LRRC4C: variants seen among roughly 807,000 people sequenced by gnomAD.
LRRC4C encodes the protein leucine rich repeat containing 4C.
Under a neutral mutation model 33.6 loss-of-function variants are expected in LRRC4C, and 5 were observed. The observed-to-expected ratio is 0.15, with a 90% CI of 0.08 to 0.31. The LOEUF is 0.31. Ranked by LOEUF, LRRC4C falls within the 10% of genes least tolerant of loss-of-function variation. LRRC4C has a pLI of 1.00. For synonymous variants in LRRC4C, 329 were observed against 302.0 expected (o/e 1.09, Z -0.93); for missense variants, 560 against 796.7 (o/e 0.70, Z 3.58).
At chr11:40,253,896 GC>G (rs1301554099) in intron 4 of LRRC4C, among the ~76,000 whole-genome samples, 1 of 152,152 alleles carries the variant, frequency 6.6e-6, no homozygotes, top group African/African-American at 2.4e-5. Flanking sequence ...TTGAGGTACT[GC>G]TTACGTTATG....
At chr11:40,373,361 T>C (rs896338571) in intron 3 of LRRC4C, among the ~76,000 whole-genome samples, 7 of 152,020 alleles carry the variant, frequency 4.6e-5, no homozygotes, top group African/African-American at 1.5e-4. Flanking sequence ...ATAAAAAATA[T>C]CATAAAGTGA....
intron 1 of LRRC4C, among the ~76,000 whole-genome samples, chr11:41,151,254 A>T (rs890207562): frequency 6.6e-6 from 1 of 152,260 alleles, no homozygotes; most frequent in African/African-American, 2.4e-5. Context: ...TCACACTAAC[A>T]AACAACATTG....
rs539368420 is a variant in LRRC4C, at chr11:40,924,467, A to C, written c.-407+9168T>G. 3.5e-3 allele frequency among the ~76,000 whole-genome samples: 527 copies of C among 152,144 alleles called. 4 individuals are homozygous for C. Among genetic ancestry groups the C allele is most frequent in the Non-Finnish European group, 5.6e-3 (382 of 68,006 alleles). ...TAGTAGTCTGGGCAACAACATAAAGAATCTACTGGAATCAAATAGGTAAGG... is the reference window on the plus strand; with the variant it reads ...TAGTAGTCTGGGCAACAACATAAAGCATCTACTGGAATCAAATAGGTAAGG... On this transcript the variant is annotated intron_variant, in intron 2 of 6. Coordinates refer to ENST00000528697, the MANE Select transcript of LRRC4C (RefSeq NM_001258419.2).
chr11:40,227,102 A>G (rs1407961011), intron 5 of LRRC4C, among the ~76,000 whole-genome samples: 1 of 152,188 alleles, frequency 6.6e-6, no homozygotes, highest in African/African-American at 2.4e-5. Flanking sequence ...CACTCACACA[A>G]AGAGTGTTCT....
At chr11:40,748,547 A>G (rs1286066751) in intron 2 of LRRC4C, among the ~76,000 whole-genome samples, 1 of 152,116 alleles carries the variant, frequency 6.6e-6, no homozygotes, top group African/African-American at 2.4e-5. Context: ...ACCAAACCTC[A>G]ATGACAAATG....
At chr11:40,412,040 T>G (rs984526518) in intron 3 of LRRC4C, among the ~76,000 whole-genome samples, 6 of 152,018 alleles carry the variant, frequency 3.9e-5, no homozygotes, top group Admixed American at 2.0e-4. Context: ...ACAGCTTTTT[T>G]TGGGGGGTTA....
In LRRC4C at chr11:41,415,092, G is replaced by C. The variant is rs568808361; in HGVS notation, c.-496+44339C>G. 1.8e-4 allele frequency among the ~76,000 whole-genome samples: 27 copies of C among 152,214 alleles called. No individual in the cohort carries two copies. In the East Asian group the frequency reaches 3.7e-3, roughly 21 times the overall value. ...CTGCTGGAAATTACTCTCTAGCCTT[G>C]TTTTCAATGCAAAAGATGCTCATAA... On this transcript the variant is annotated intron_variant, in intron 1 of 6. Transcript: ENST00000528697.
intron 2 of LRRC4C, among the ~76,000 whole-genome samples, chr11:40,722,835 T>G (rs944840455): frequency 6.6e-6 from 1 of 152,246 alleles, no homozygotes; most frequent in Non-Finnish European, 1.5e-5. Context: ...AAGAAAGTTG[T>G]CATTCAATTT....
At chr11:41,368,188 G>A (rs1430396395) in intron 1 of LRRC4C, among the ~76,000 whole-genome samples, 1 of 152,132 alleles carries the variant, frequency 6.6e-6, no homozygotes, top group Non-Finnish European at 1.5e-5. Flanking sequence ...TCAGACAACT[G>A]AAAGCCAGAA....
At chr11:40,704,417 T>A (rs1006204668) in intron 2 of LRRC4C, among the ~76,000 whole-genome samples, 6 of 152,134 alleles carry the variant, frequency 3.9e-5, no homozygotes, top group Non-Finnish European at 8.8e-5. Context: ...AACCTTTCAC[T>A]CACTTTTGAC....
chr11:40,499,340 T>C (rs988908264), intron 3 of LRRC4C, among the ~76,000 whole-genome samples: 43 of 152,114 alleles, frequency 2.8e-4, no homozygotes, highest in African/African-American at 9.4e-4. Flanking sequence ...AGAAAATGTA[T>C]CTGCATATCC....
intron 1 of LRRC4C, among the ~76,000 whole-genome samples, chr11:41,283,480 T>G (rs190022552): frequency 6.6e-6 from 1 of 152,332 alleles, no homozygotes; most frequent in South Asian, 2.1e-4. Flanking sequence ...ATGTTAAGAA[T>G]AGTATTTTCA....
intron 3 of LRRC4C, among the ~76,000 whole-genome samples, chr11:40,498,395 T>C (rs969466563): frequency 3.3e-5 from 5 of 152,224 alleles, no homozygotes; most frequent in Admixed American, 3.3e-4. Flanking sequence ...CCGCAAATAG[T>C]TGGGAAGTTT....
At chr11:40,438,145 G>A (rs1048382441) in intron 3 of LRRC4C, among the ~76,000 whole-genome samples, 1 of 152,160 alleles carries the variant, frequency 6.6e-6, no homozygotes, top group Admixed American at 6.5e-5. Context: ...GCGACCTACT[G>A]TTTTTCACCA....
At chr11:40,442,980 G>T (rs1951462002) in intron 3 of LRRC4C, among the ~76,000 whole-genome samples, 1 of 152,154 alleles carries the variant, frequency 6.6e-6, no homozygotes, top group Non-Finnish European at 1.5e-5. Flanking sequence ...GGAGATAAGT[G>T]ATTCAAAAAC....
intron 6 of LRRC4C, among the ~76,000 whole-genome samples, chr11:40,132,387 G>T (rs932743579): frequency 3.3e-5 from 5 of 152,134 alleles, no homozygotes; most frequent in African/African-American, 1.2e-4. Context: ...TTAAACACCA[G>T]TACACTGGTG....
chr11:40,228,142 A>C (rs1285153185), intron 5 of LRRC4C, among the ~76,000 whole-genome samples: 1 of 151,878 alleles, frequency 6.6e-6, no homozygotes, highest in Non-Finnish European at 1.5e-5. Flanking sequence ...TTGCTTTCTC[A>C]TCTCCTTCAA....
At chr11:40,529,399 C>A (rs1956185378) in intron 3 of LRRC4C, among the ~76,000 whole-genome samples, 1 of 151,776 alleles carries the variant, frequency 6.6e-6, no homozygotes, top group African/African-American at 2.4e-5. Context: ...GAAATTTCAA[C>A]AGTGAATGAC....
chr11:40,744,100 T>C (rs1337817160), intron 2 of LRRC4C, among the ~76,000 whole-genome samples: 1 of 152,160 alleles, frequency 6.6e-6, no homozygotes, highest in African/African-American at 2.4e-5. Context: ...CCGGCACTTC[T>C]GTTTCTGTAC....
Sources: gnomAD v4.1 joint callset for allele counts (sites outside exome capture counted in the v4.1 genomes callset) on GRCh38, gnomAD v4.1.1 for gene constraint, MANE v1.5 for transcripts, NCBI Gene and HGNC (gene_info 2026-07-23, HGNC 2026-07-21) for gene names.